PPIG: variants seen among roughly 807,000 people sequenced by gnomAD.
The protein encoded by PPIG is peptidylprolyl isomerase G, also known as peptidyl-prolyl cis-trans isomerase G.
A neutral mutation model predicts 87.9 loss-of-function variants in PPIG; 26 were observed. The observed-to-expected ratio is 0.30, with a 90% CI of 0.22 to 0.41. PPIG has a LOEUF of 0.41. Among genes scored for constraint, PPIG ranks in the 10% least tolerant of loss-of-function variants. The pLI, the probability that PPIG is intolerant of heterozygous loss-of-function variation, is 1.00. For missense variants in PPIG, 722 were observed against 879.4 expected (o/e 0.82, Z 2.26); for synonymous variants, 308 against 276.5 (o/e 1.11, Z -1.13).
At chr2:169,617,136 T>C (rs1262981366) in intron 9 of PPIG, among the ~76,000 whole-genome samples, 1 of 152,196 alleles carries the variant, frequency 6.6e-6, no homozygotes, top group Non-Finnish European at 1.5e-5. Context: ...CTATTTCTTG[T>C]TTTTGTCAGG....
At chr2:169,620,212 G>A (rs1049119813) in intron 9 of PPIG, among the ~76,000 whole-genome samples, 12 of 151,954 alleles carry the variant, frequency 7.9e-5, no homozygotes, top group African/African-American at 2.7e-4. Context: ...TTTTACAGTT[G>A]CAAGTCTTAT....
chr2:169,633,039 G>A (rs1686098243), intron 11 of PPIG, 121 bp from the exon 12 acceptor site: 1 of 720,098 alleles, frequency 1.4e-6, no homozygotes. Flanking sequence ...GCCTCCCAAA[G>A]TGCTGGGATT....
intron 1 of PPIG, chr2:169,584,703 C>T: frequency 3.0e-6 from 1 of 328,610 alleles, no homozygotes; most frequent in Non-Finnish European, 5.8e-6. Context: ...AAGGAGAAGG[C>T]TTGCAGTCGA....
At position 169,636,924 on chromosome 2, in the gene PPIG, C is replaced by CA; in HGVS notation, c.1667dup (p.His556GlnfsTer4). On this transcript the variant is annotated frameshift_variant, in exon 14 of 14. Coordinates refer to ENST00000260970, the MANE Select transcript of PPIG (RefSeq NM_004792.3). LOFTEE classifies it high-confidence loss of function. Reference sequence around the variant, plus strand: ...AGAATGTGATATAACTAAAGGTAAACACAGTTATAATAGCAGAACAAGAGA... The same window carrying CA: ...AGAATGTGATATAACTAAAGGTAAACAACAGTTATAATAGCAGAACAAGAGA... The CA allele has an allele frequency of 6.2e-7, 1 of 1,613,836 alleles. No homozygotes were observed. Among genetic ancestry groups the CA allele is most frequent in the Non-Finnish European group, 8.5e-7 (1 of 1,179,956 alleles).
At chr2:169,603,893 C>T (rs1394420412) in intron 2 of PPIG, 133 bp from the exon 3 acceptor site, 1 of 684,538 alleles carries the variant, frequency 1.5e-6, no homozygotes, top group Admixed American at 2.8e-5. Context: ...ATGTGATTTA[C>T]CTCATAGAAA....
intron 1 of PPIG, among the ~76,000 whole-genome samples, chr2:169,599,483 C>T (rs1246161828): frequency 1.3e-5 from 2 of 152,058 alleles, no homozygotes; most frequent in East Asian, 3.9e-4. Flanking sequence ...AACCCAAGGA[C>T]TATTTTATTT....
At chr2:169,602,189 A>T (rs1438110011) in intron 1 of PPIG, among the ~76,000 whole-genome samples, 1 of 151,696 alleles carries the variant, frequency 6.6e-6, no homozygotes, top group African/African-American at 2.4e-5. Flanking sequence ...TCCCATCCCC[A>T]GGATATCTCG....
intron 1 of PPIG, among the ~76,000 whole-genome samples, chr2:169,598,807 AT>A (rs1487059388): frequency 2.0e-5 from 3 of 148,630 alleles, no homozygotes; most frequent in Non-Finnish European, 4.5e-5. Context: ...TATTATAAAT[AT>A]TTATATTTAT....
intron 11 of PPIG, 143 bp downstream of exon 11, chr2:169,632,076 CT>C (rs1450916047): frequency 6.9e-6 from 8 of 1,154,448 alleles, no homozygotes; most frequent in Non-Finnish European, 9.2e-6. Flanking sequence ...CCGCAAAGTT[CT>C]TTTTTGCCAA....
chr2:169,615,139 C>G (rs185485171), intron 9 of PPIG, among the ~76,000 whole-genome samples: 1 of 152,038 alleles, frequency 6.6e-6, no homozygotes, highest in Non-Finnish European at 1.5e-5. Context: ...ACCTCCGTCT[C>G]CCGGGTTGAA....
In PPIG at chr2:169,633,052, A is replaced by T. The variant is rs924284920; in HGVS notation, c.930-108A>T. On this transcript the variant is annotated intron_variant, in intron 11 of 13. Transcript: ENST00000260970. ...CGGCCTCCCAAAGTGCTGGGATTAC[A>T]GGCATGAGCCACCGCACCCGGCCCA... is the stretch of plus-strand genomic sequence containing the variant. 17 of 785,804 alleles carry T rather than the reference A, an allele frequency of 2.2e-5. No individual in the cohort carries two copies. In the East Asian group the frequency reaches 4.4e-4, roughly 20 times the overall value. 48.7% of individuals were successfully genotyped at this position (785,804 alleles called of 1,614,324 possible).
intron 9 of PPIG, among the ~76,000 whole-genome samples, chr2:169,616,909 T>C (rs1478384245): frequency 2.0e-5 from 3 of 152,246 alleles, no homozygotes; most frequent in African/African-American, 7.2e-5. Flanking sequence ...GTTTTAGTCA[T>C]GAATTCTTTG....
chr2:169,584,850 C>G (rs910478423), intron 1 of PPIG: 3 of 272,796 alleles, frequency 1.1e-5, no homozygotes, highest in Non-Finnish European at 2.1e-5. Flanking sequence ...TCTAGGGAGC[C>G]GGGTTGATTT....
chr2:169,589,455 G>A (rs1684800178), intron 1 of PPIG, among the ~76,000 whole-genome samples: 2 of 152,114 alleles, frequency 1.3e-5, no homozygotes, highest in Admixed American at 6.5e-5. Context: ...AGGCTAAAGA[G>A]GCTGGTAGGA....
intron 10 of PPIG, 132 bp downstream of exon 10, chr2:169,631,119 TA>T (rs1238573102): frequency 2.4e-6 from 2 of 820,978 alleles, no homozygotes; most frequent in Non-Finnish European, 3.7e-6. Context: ...GGACTTTTGA[TA>T]TTCCACAGTC....
chr2:169,633,830 C>G (rs1057263610), intron 12 of PPIG, among the ~76,000 whole-genome samples: 2 of 95,408 alleles, frequency 2.1e-5, no homozygotes, highest in South Asian at 3.6e-4. Context: ...TTCTTTCCAC[C>G]CCCCCCTTTT....
intron 9 of PPIG, among the ~76,000 whole-genome samples, chr2:169,625,627 T>C (rs1685863499): frequency 6.6e-6 from 1 of 152,178 alleles, no homozygotes; most frequent in East Asian, 1.9e-4. Context: ...CGATTGTTGA[T>C]TCCTTTACCG....
At chr2:169,585,742 A>T (rs1307068331) in intron 1 of PPIG, among the ~76,000 whole-genome samples, 1 of 152,202 alleles carries the variant, frequency 6.6e-6, no homozygotes, top group African/African-American at 2.4e-5. Flanking sequence ...ATTTGCTTTT[A>T]TAGTTTGGTA....
In PPIG at chr2:169,639,326, T is replaced by TGA. The variant is rs1686260641; in HGVS notation, c.*1803_*1804insGA. ...TAAGCAAGTTATTGTTTGTCTTAAT[T>TGA]TCAGTTAACTGCATTTTAAAATTGT... On this transcript the variant is annotated 3_prime_UTR_variant, in exon 14 of 14. Transcript: ENST00000260970. 2 of 152,128 alleles carry TGA rather than the reference T, an allele frequency of 1.3e-5. No homozygotes were observed. The allele number at this position is 152,128 out of a possible 1,614,324, so 9.4% of individuals were successfully genotyped here.
Sources: gnomAD v4.1 joint callset for allele counts (sites outside exome capture counted in the v4.1 genomes callset) on GRCh38, gnomAD v4.1.1 for gene constraint, MANE v1.5 for transcripts, NCBI Gene and HGNC (gene_info 2026-07-23, HGNC 2026-07-21) for gene names.